SUPT3H: variants seen among roughly 807,000 people sequenced by gnomAD.
SUPT3H encodes transcription initiation protein SPT3 homolog.
SUPT3H carries 44 observed loss-of-function variants against 44.3 expected under a neutral mutation model. That is an observed-to-expected ratio of 0.99 (90% CI 0.78 to 1.28). The LOEUF (loss-of-function observed/expected upper bound fraction) is 1.28, where lower values mean the gene tolerates loss of function less well. Among genes scored for constraint, SUPT3H ranks in the 50% most tolerant of loss-of-function variants. The pLI is 0.00. For synonymous variants in SUPT3H, 124 were observed against 125.6 expected, an observed-to-expected ratio of 0.99 and a Z score of 0.09; for missense variants, 380 against 387.1, an observed-to-expected ratio of 0.98 and a Z score of 0.15.
intron 2 of SUPT3H, among the ~76,000 whole-genome samples, chr6:45,160,409 AG>A (rs1808741247): frequency 6.6e-6 from 1 of 152,178 alleles, no homozygotes; most frequent in South Asian, 2.1e-4. Context: ...GTCTAAAATT[AG>A]ATGACCAAAG....
chr6:45,063,331 C>T (rs1004944131), intron 3 of SUPT3H, among the ~76,000 whole-genome samples: 9 of 150,678 alleles, frequency 6.0e-5, no homozygotes, highest in Non-Finnish European at 1.3e-4. Context: ...CATCAAAGAC[C>T]AAAAGTACAT....
chr6:45,234,812 T>G (rs966526462), intron 2 of SUPT3H, among the ~76,000 whole-genome samples: 10 of 152,186 alleles, frequency 6.6e-5, no homozygotes, highest in African/African-American at 2.4e-4. Context: ...GCAACTTTTC[T>G]GGAGATCTCT....
At chr6:44,884,216 G>A (rs1363347304) in intron 10 of SUPT3H, among the ~76,000 whole-genome samples, 1 of 152,102 alleles carries the variant, frequency 6.6e-6, no homozygotes, top group African/African-American at 2.4e-5. Context: ...AGATACTTCT[G>A]AAAAGAAGAC....
At chr6:44,951,080 A>T (rs1774233599) in intron 9 of SUPT3H, among the ~76,000 whole-genome samples, 1 of 151,882 alleles carries the variant, frequency 6.6e-6, no homozygotes, top group Admixed American at 6.6e-5. Context: ...TTAATCCTTG[A>T]ATATTTTAAA....
intron 10 of SUPT3H, among the ~76,000 whole-genome samples, chr6:44,894,182 C>T (rs1388950156): frequency 1.5e-5 from 2 of 130,710 alleles, no homozygotes; most frequent in African/African-American, 5.4e-5. Context: ...TGCCTGTTCA[C>T]TCTGATGGCA....
At chr6:45,188,124 T>A (rs1052787714) in intron 2 of SUPT3H, among the ~76,000 whole-genome samples, 1 of 152,164 alleles carries the variant, frequency 6.6e-6, no homozygotes, top group African/African-American at 2.4e-5. Context: ...TGTCACAGCA[T>A]CACAGCGGTT....
chr6:45,086,022 G>T (rs1034040966), intron 3 of SUPT3H, among the ~76,000 whole-genome samples: 1 of 151,918 alleles, frequency 6.6e-6, no homozygotes, highest in Admixed American at 6.6e-5. Flanking sequence ...ATTACATTTG[G>T]AAAGTCAAAC....
At chr6:45,183,849 C>T (rs73451316) in intron 2 of SUPT3H, among the ~76,000 whole-genome samples, 5,039 of 152,158 alleles carry the variant, frequency 0.033, 243 homozygotes, top group African/African-American at 0.11. Flanking sequence ...CTGTATGATT[C>T]TGATACAACA....
intron 2 of SUPT3H, among the ~76,000 whole-genome samples, chr6:45,231,440 G>C (rs955638028): frequency 1.3e-5 from 2 of 152,138 alleles, no homozygotes; most frequent in South Asian, 4.1e-4. Flanking sequence ...TGACCTGTAA[G>C]GTTTCTACTG....
intron 1 of SUPT3H, among the ~76,000 whole-genome samples, chr6:45,369,508 A>G (rs1278081099): frequency 6.6e-6 from 1 of 152,148 alleles, no homozygotes; most frequent in Non-Finnish European, 1.5e-5. Context: ...GACAGTTGAC[A>G]TCATCTTCTA....
chr6:45,031,131 C>G (rs555462760), intron 3 of SUPT3H, among the ~76,000 whole-genome samples: 3 of 152,148 alleles, frequency 2.0e-5, no homozygotes, highest in South Asian at 4.1e-4. Flanking sequence ...TATAGCTAGC[C>G]TGACGTAAAT....
At chr6:45,213,429 C>T (rs560568762) in intron 2 of SUPT3H, among the ~76,000 whole-genome samples, 119 of 151,930 alleles carry the variant, frequency 7.8e-4, no homozygotes, top group African/African-American at 2.8e-3. Context: ...ACATAAATGG[C>T]CAAAACTTTT....
rs140292645 is a variant in SUPT3H at position 45,029,343 on chromosome 6, G to GTATATA, written c.187-8717_187-8712dup. 6.7e-3 allele frequency among the ~76,000 whole-genome samples: 974 copies of GTATATA among 146,350 alleles called. 9 individuals carry two copies. The highest frequency in any genetic ancestry group is 0.023 in the South Asian group (105 of 4,648). On this transcript the variant is annotated intron_variant, in intron 3 of 10. Transcript: ENST00000371459. ...GTGTATATATGACATATTTGTATGTGTATATATATATATATATACATATTC... is the reference window on the plus strand; with the variant it reads ...GTGTATATATGACATATTTGTATGTGTATATATATATATATATATATATACATATTC...
Position 45,316,733 on chromosome 6 carries a change from A to G in SUPT3H, c.101+48468T>C, listed in dbSNP as rs532299486. Among the ~76,000 whole-genome samples the G allele has an allele frequency of 7.7e-4, 117 of 152,344 alleles. No individual in the cohort carries two copies. In the Middle Eastern group the frequency reaches 0.017, roughly 22 times the overall value. On this transcript the variant is annotated intron_variant, in intron 2 of 10. Transcript: ENST00000371459. ...CAAAGAAGTACAGCCTGTACACTATACTGTGAAAACTACAAAACACTGATG... is the reference window on the plus strand; with the variant it reads ...CAAAGAAGTACAGCCTGTACACTATGCTGTGAAAACTACAAAACACTGATG...
intron 10 of SUPT3H, among the ~76,000 whole-genome samples, chr6:44,903,284 C>G (rs1006261214): frequency 1.9e-4 from 29 of 151,990 alleles, no homozygotes; most frequent in Admixed American, 1.6e-3. Flanking sequence ...AGACCGCTAG[C>G]AAGACTAATA....
rs1774344199 is a variant in SUPT3H at position 44,859,873 on chromosome 6, T to C, written c.913-30016A>G. ...AATATAATAATGTCATTGTTTGTTA[T>C]ATCACACTTATTCTCAAAGTAATAG... On this transcript the variant is annotated intron_variant, in intron 10 of 10. Transcript: ENST00000371459. Among the ~76,000 whole-genome samples, 9 of 152,352 alleles carry C rather than the reference T, an allele frequency of 5.9e-5. No individual in the cohort carries two copies. In the South Asian group the frequency reaches 1.9e-3, roughly 32 times the overall value.
intron 3 of SUPT3H, among the ~76,000 whole-genome samples, chr6:45,087,219 CGTTG>C (rs1312525437): frequency 6.6e-6 from 1 of 151,696 alleles, no homozygotes; most frequent in Non-Finnish European, 1.5e-5. Context: ...GCATTATTTT[CGTTG>C]GTTATTTTTC....
intron 2 of SUPT3H, among the ~76,000 whole-genome samples, chr6:45,143,499 T>C (rs1583808364): frequency 1.3e-5 from 2 of 152,230 alleles, no homozygotes; most frequent in South Asian, 4.1e-4. Flanking sequence ...AAAAATTCTT[T>C]GAACTGAATA....
intron 6 of SUPT3H, among the ~76,000 whole-genome samples, chr6:44,991,650 G>A (rs1461851087): frequency 6.6e-6 from 1 of 152,012 alleles, no homozygotes; most frequent in Admixed American, 6.6e-5. Flanking sequence ...AATTCTAAAT[G>A]AGGAACACAA....
Sources: allele counts gnomAD v4.1 joint callset (sites outside exome capture counted in the v4.1 genomes callset), GRCh38; gene constraint gnomAD v4.1.1; transcripts MANE v1.5; gene names NCBI Gene and HGNC (gene_info 2026-07-23, HGNC 2026-07-21).